The following PDGFRL variants were observed in gnomAD, a reference collection of about 807,000 sequenced individuals.
The protein encoded by PDGFRL is platelet-derived growth factor receptor-like protein.
In PDGFRL, 46 loss-of-function variants were observed where a neutral mutation model predicts 37.2. That is an observed-to-expected ratio of 1.24 (90% CI 0.98 to 1.58). The LOEUF is 1.58. Ranked by LOEUF, PDGFRL falls within the 40% of genes most tolerant of loss-of-function variation. PDGFRL has a pLI of 0.00. For synonymous variants in PDGFRL, 251 were observed against 184.3 expected (o/e 1.36, Z -2.93); for missense variants, 692 against 467.6 (o/e 1.48, Z -4.43).
intron 1 of PDGFRL, among the ~76,000 whole-genome samples, chr8:17,588,087 A>G (rs1230445715): frequency 6.6e-6 from 1 of 152,176 alleles, no homozygotes; most frequent in Non-Finnish European, 1.5e-5. Flanking sequence ...TAGAGAAGGC[A>G]AAAATGACAA....
At chr8:17,628,910 G>GT in intron 4 of PDGFRL, 130 bp downstream of exon 4, 1 of 652,072 alleles carries the variant, frequency 1.5e-6, no homozygotes, top group Non-Finnish European at 2.6e-6. Context: ...TTGGGTTGTT[G>GT]TTGTTTTTTT....
intron 2 of PDGFRL, among the ~76,000 whole-genome samples, chr8:17,615,644 G>A (rs1488974668): frequency 1.3e-5 from 2 of 152,178 alleles, no homozygotes; most frequent in Admixed American, 1.3e-4. Context: ...GTCTGGGTGT[G>A]GTGGCTCATG....
At chr8:17,608,674 G>A (rs1397028437) in intron 2 of PDGFRL, among the ~76,000 whole-genome samples, 1 of 152,234 alleles carries the variant, frequency 6.6e-6, no homozygotes, top group South Asian at 2.1e-4. Flanking sequence ...ATGCTTATGA[G>A]GGGGGAAAAA....
At chr8:17,588,208 C>G (rs1803857630) in intron 1 of PDGFRL, among the ~76,000 whole-genome samples, 2 of 152,116 alleles carry the variant, frequency 1.3e-5, no homozygotes, top group African/African-American at 4.8e-5. Context: ...TGGTGAAATT[C>G]TAAATCGTTG....
At chr8:17,595,720 G>A (rs773781756) in intron 2 of PDGFRL, among the ~76,000 whole-genome samples, 14 of 152,164 alleles carry the variant, frequency 9.2e-5, no homozygotes, top group East Asian at 1.9e-4. Flanking sequence ...GTGGTGGGGC[G>A]GGGGTGCTGG....
At chr8:17,576,638 T>A, upstream of PDGFRL, 1 of 855,392 alleles carries the variant, frequency 1.2e-6, no homozygotes, top group Non-Finnish European at 1.4e-6. Flanking sequence ...AGTCTCATTT[T>A]CCACGTTATT....
chr8:17,620,038 C>G (rs1166103540), intron 2 of PDGFRL, among the ~76,000 whole-genome samples: 1 of 152,152 alleles, frequency 6.6e-6, no homozygotes, highest in African/African-American at 2.4e-5. Context: ...TCATGACTCA[C>G]TGGAATCTCA....
intron 2 of PDGFRL, among the ~76,000 whole-genome samples, chr8:17,607,280 T>C (rs570727416): frequency 1.3e-5 from 2 of 150,298 alleles, no homozygotes; most frequent in Admixed American, 1.3e-4. Context: ...AGATCACCCA[T>C]TGCTCGTCGA....
At chr8:17,610,163 G>C (rs1473534223) in intron 2 of PDGFRL, among the ~76,000 whole-genome samples, 3 of 152,186 alleles carry the variant, frequency 2.0e-5, no homozygotes, top group Non-Finnish European at 4.4e-5. Flanking sequence ...TTTGTCCTCT[G>C]TCCTCACTCA....
intron 5 of PDGFRL, among the ~76,000 whole-genome samples, chr8:17,641,299 C>T (rs2129864514): frequency 6.6e-6 from 1 of 152,336 alleles, no homozygotes; most frequent in Middle Eastern, 3.4e-3. Context: ...CACCCGAGTT[C>T]TGTCCAGGAA....
chr8:17,577,831 C>T (rs35784756), intron 1 of PDGFRL, among the ~76,000 whole-genome samples: 31,986 of 151,106 alleles, frequency 0.21, 3,457 homozygotes, highest in Middle Eastern at 0.3. Context: ...GCAAGATCTG[C>T]CTAGATCTTC....
At chr8:17,625,910 A>T (rs986048583) in intron 3 of PDGFRL, among the ~76,000 whole-genome samples, 2 of 152,124 alleles carry the variant, frequency 1.3e-5, no homozygotes, top group African/African-American at 2.4e-5. Context: ...TGGGAGGATC[A>T]TTTGAGCCCT....
intron 2 of PDGFRL, among the ~76,000 whole-genome samples, chr8:17,619,106 C>T (rs1804584191): frequency 6.6e-6 from 1 of 152,176 alleles, no homozygotes; most frequent in South Asian, 2.1e-4. Context: ...GTAAACTGGT[C>T]ACGGTATTGA....
intron 4 of PDGFRL, among the ~76,000 whole-genome samples, chr8:17,632,432 C>G (rs1205463361): frequency 6.6e-6 from 1 of 151,236 alleles, no homozygotes; most frequent in African/African-American, 2.4e-5. Flanking sequence ...CCTCCACCTC[C>G]TGGGCTCGAG....
At chr8:17,609,138 G>C (rs1032002709) in intron 2 of PDGFRL, among the ~76,000 whole-genome samples, 1 of 152,110 alleles carries the variant, frequency 6.6e-6, no homozygotes, top group Admixed American at 6.5e-5. Context: ...GGTGGTTGAG[G>C]CTACAGTGAG....
chr8:17,593,032 G>A (rs1334249536), intron 2 of PDGFRL, among the ~76,000 whole-genome samples: 1 of 152,016 alleles, frequency 6.6e-6, no homozygotes, highest in Non-Finnish European at 1.5e-5. Flanking sequence ...CTCTTATCCT[G>A]TTGTATTAAG....
intron 3 of PDGFRL, among the ~76,000 whole-genome samples, chr8:17,622,394 C>T (rs1321804157): frequency 6.6e-6 from 1 of 152,042 alleles, no homozygotes; most frequent in Admixed American, 6.5e-5. Flanking sequence ...AATCCACCTA[C>T]CTTTCAGACG....
upstream of PDGFRL, chr8:17,577,188 C>G: frequency 6.4e-7 from 1 of 1,572,282 alleles, no homozygotes; most frequent in South Asian, 1.2e-5. Flanking sequence ...CGCCCGCCGC[C>G]TCCCCTGCGT....
intron 2 of PDGFRL, among the ~76,000 whole-genome samples, chr8:17,618,638 T>C (rs903847192): frequency 2.0e-5 from 3 of 152,168 alleles, no homozygotes; most frequent in Admixed American, 6.6e-5. Flanking sequence ...TGAGACTCAG[T>C]TTTCCCCCTC....
Sources: gnomAD v4.1 joint callset for allele counts (sites outside exome capture counted in the v4.1 genomes callset) on GRCh38, gnomAD v4.1.1 for gene constraint, MANE v1.5 for transcripts, NCBI Gene and HGNC (gene_info 2026-07-23, HGNC 2026-07-21) for gene names.